The following PIAS4 variants were observed in gnomAD, a reference collection of about 807,000 sequenced individuals.
PIAS4 encodes protein inhibitor of activated STAT 4.
Under a neutral mutation model 58.0 loss-of-function variants are expected in PIAS4, and 7 were observed. The observed-to-expected ratio is 0.12, with a 90% confidence interval of 0.07 to 0.23. PIAS4 has a LOEUF of 0.23. Ranked by LOEUF, PIAS4 falls within the 10% of genes least tolerant of loss-of-function variation. The probability of loss-of-function intolerance (pLI) is 1.00; values close to 1 mark genes in which losing one functional copy is unlikely to be tolerated. For missense variants in PIAS4, 550 were observed against 709.5 expected, an observed-to-expected ratio of 0.78 and a Z score of 2.55; for synonymous variants, 364 against 312.4, an observed-to-expected ratio of 1.17 and a Z score of -1.74.
At chr19:4,036,109 C>T (rs2144944921) in intron 9 of PIAS4, among the ~76,000 whole-genome samples, 1 of 136,614 alleles carries the variant, frequency 7.3e-6, no homozygotes, top group African/African-American at 2.5e-5. Context: ...TACAAACACA[C>T]ACACATCTAT....
In PIAS4 at chr19:4,038,757, G is replaced by T. The variant is rs1016430355; in HGVS notation, c.*882G>T. The T allele has an allele frequency of 6.5e-6, 1 of 154,564 alleles. No homozygotes were observed. The highest frequency in any genetic ancestry group is 1.7e-4 in the South Asian group (1 of 5,728). The allele number at this position is 154,564 out of a possible 1,614,324, so 9.6% of individuals were successfully genotyped here. A position where few individuals can be genotyped will look rare whatever the true frequency, so the allele number is the denominator to read the frequency against. ...CCGCCACCATACCCCGGTCCTTGGG[G>T]CATGGGTTGCGGTCGCTTCCCAAGG... On this transcript the variant is annotated 3_prime_UTR_variant, in exon 11 of 11. Transcript: ENST00000262971. This position sits in a 1 kb window ranked among gnomAD's most constrained non-coding sequence, Gnocchi z 4.1.
rs2040324725 is a variant in PIAS4 at position 4,038,248 on chromosome 19, C to T, written c.*373C>T. On this transcript the variant is annotated 3_prime_UTR_variant, in exon 11 of 11. Transcript: ENST00000262971. This position sits in a 1 kb window ranked among gnomAD's most constrained non-coding sequence, Gnocchi z 4.1. ...CGGATGCCCCGCCGCCCGCCGCCCTCTGCCCACGACCATTCCAGCCAGTGC... is the reference window on the plus strand; with the variant it reads ...CGGATGCCCCGCCGCCCGCCGCCCTTTGCCCACGACCATTCCAGCCAGTGC... 7.4e-5 allele frequency: 16 copies of T among 216,980 alleles called. No homozygotes were observed. Among genetic ancestry groups the T allele is most frequent in the Non-Finnish European group, 1.4e-4 (15 of 110,816 alleles). The allele number at this position is 216,980 out of a possible 1,614,324, so 13.4% of individuals were successfully genotyped here.
At chr19:4,019,840 T>A (rs1472136597) in intron 2 of PIAS4, among the ~76,000 whole-genome samples, 2 of 151,550 alleles carry the variant, frequency 1.3e-5, no homozygotes, top group African/African-American at 4.9e-5. Flanking sequence ...AAGAAACAGG[T>A]CAACATGGGC....
In PIAS4 at chr19:4,038,439, G is replaced by C. The variant is rs1414609981; in HGVS notation, c.*564G>C. The C allele has an allele frequency of 6.6e-6, 1 of 152,026 alleles. No individual in the cohort carries two copies. The highest frequency in any genetic ancestry group is 1.5e-5 in the Non-Finnish European group (1 of 67,966). The allele number at this position is 152,026 out of a possible 1,614,324, so 9.4% of individuals were successfully genotyped here. On this transcript the variant is annotated 3_prime_UTR_variant, in exon 11 of 11. Transcript: ENST00000262971. This position sits in a 1 kb window ranked among gnomAD's most constrained non-coding sequence, Gnocchi z 4.1. ...AGAAGCCATGGAGTGGGTTGGGGCGGGGAGGGGCAGTAGGGTGGGGGGATG... is the reference window on the plus strand; with the variant it reads ...AGAAGCCATGGAGTGGGTTGGGGCGCGGAGGGGCAGTAGGGTGGGGGGATG...
intron 2 of PIAS4, among the ~76,000 whole-genome samples, chr19:4,022,752 A>T (rs2040122935): frequency 6.6e-6 from 1 of 151,210 alleles, no homozygotes. Flanking sequence ...CACTCACTGC[A>T]ACCTTTGCCT....
chr19:4,019,785 C>T (rs2040090459), intron 2 of PIAS4, among the ~76,000 whole-genome samples: 2 of 152,182 alleles, frequency 1.3e-5, no homozygotes, highest in Non-Finnish European at 2.9e-5. Context: ...GCTGTGGCAG[C>T]CCCCTCTTCC....
intron 1 of PIAS4, 33 bp from the exon 2 acceptor site, chr19:4,012,890 C>T: frequency 6.3e-7 from 1 of 1,581,778 alleles, no homozygotes; most frequent in Non-Finnish European, 8.6e-7. Flanking sequence ...GCAGCTGTGT[C>T]CTCTGAGTGT....
intron 3 of PIAS4, among the ~76,000 whole-genome samples, chr19:4,024,757 T>A (rs1248401503): frequency 8.8e-5 from 2 of 22,780 alleles, no homozygotes; most frequent in Admixed American, 6.8e-4. Flanking sequence ...GTCAGGTGTT[T>A]TTTTGTTTTT....
Position 4,037,947 on chromosome 19 carries a change from G to A in PIAS4, c.*72G>A. 2 of 1,443,630 alleles carry A rather than the reference G, an allele frequency of 1.4e-6. No individual in the cohort carries two copies. Among genetic ancestry groups the A allele is most frequent in the South Asian group, 1.3e-5 (1 of 77,160 alleles). 89.4% of individuals were successfully genotyped at this position (1,443,630 alleles called of 1,614,324 possible). A position where few individuals can be genotyped will look rare whatever the true frequency, so the allele number is the denominator to read the frequency against. On this transcript the variant is annotated 3_prime_UTR_variant, in exon 11 of 11. Coordinates refer to ENST00000262971, the MANE Select transcript of PIAS4 (RefSeq NM_015897.4). This position sits in a 1 kb window ranked among gnomAD's most constrained non-coding sequence, Gnocchi z 5.8. The stretch of plus-strand genomic sequence containing the variant: ...CACGGGCCAGCCTCGGGCGCAGAGG[G>A]AGGAGTGACCTTTCTTTTTCTTTTT...
chr19:4,025,539 C>T lies in PIAS4; in HGVS notation c.539+1419C>T, dbSNP rs10422261. ...TCGTGCCCAGCCGCTTCAGACCCAC[C>T]GCCCCCACCTGCTGTGGGGCCAGGT... On this transcript the variant is annotated intron_variant, in intron 3 of 10. Coordinates refer to ENST00000262971, the MANE Select transcript of PIAS4 (RefSeq NM_015897.4). Among the ~76,000 whole-genome samples the T allele has an allele frequency of 3.9e-3, 590 of 152,300 alleles. 4 individuals carry two copies. The highest frequency in any genetic ancestry group is 0.013 in the African/African-American group (557 of 41,584).
chr19:4,017,407 T>G (rs1464456893), intron 2 of PIAS4, among the ~76,000 whole-genome samples: 2 of 152,162 alleles, frequency 1.3e-5, no homozygotes, highest in Admixed American at 6.5e-5. Flanking sequence ...ATGTTTTCAC[T>G]GATGGGTAGA....
Position 4,033,487 on chromosome 19 carries a change from C to G in PIAS4, c.1049C>G (p.Ala350Gly), listed in dbSNP as rs905850256. The G allele has an allele frequency of 1.3e-6, 2 of 1,585,888 alleles. No homozygotes were observed. Residue 350 changes from alanine (A) to glycine (G), a missense_variant, in exon 9 of 11, where the codon GCC becomes GGC. By Grantham distance (60) the Ala-to-Gly change is moderately conservative. Coordinates refer to ENST00000262971, the MANE Select transcript of PIAS4 (RefSeq NM_015897.4). ...ETCAHLQCFD[A>G]VFYLQMNEKK... ...TGTGCCCACCTGCAGTGCTTCGACG[C>G]CGTCTTCTACCTGCAGATGAACGAG...
At chr19:4,034,806 C>T (rs1287789936) in intron 9 of PIAS4, among the ~76,000 whole-genome samples, 1 of 152,174 alleles carries the variant, frequency 6.6e-6, no homozygotes, top group African/African-American at 2.4e-5. Flanking sequence ...TCGGTGTAGC[C>T]AGGGAGGCTT....
At chr19:4,008,037 C>T (rs1056505508) in intron 1 of PIAS4, among the ~76,000 whole-genome samples, 3 of 151,666 alleles carry the variant, frequency 2.0e-5, no homozygotes, top group Non-Finnish European at 3.0e-5. Flanking sequence ...AGGCAGGGTC[C>T]CCCCACCCAG....
In PIAS4 at chr19:4,038,247, TC is replaced by T. The variant is rs1276161878; in HGVS notation, c.*373del. 8.0e-4 allele frequency: 183 copies of T among 228,234 alleles called. 1 individual carries two copies. The highest frequency in any genetic ancestry group is 1.3e-3 in the Non-Finnish European group (157 of 117,700). The allele number at this position is 228,234 out of a possible 1,614,324, so 14.1% of individuals were successfully genotyped here. On this transcript the variant is annotated 3_prime_UTR_variant, in exon 11 of 11. Coordinates refer to ENST00000262971, the MANE Select transcript of PIAS4 (RefSeq NM_015897.4). This position sits in a 1 kb window ranked among gnomAD's most constrained non-coding sequence, Gnocchi z 4.1. ...CCGGATGCCCCGCCGCCCGCCGCCC[TC>T]TGCCCACGACCATTCCAGCCAGTGC... is the stretch of plus-strand genomic sequence containing the variant.
intron 9 of PIAS4, 55 bp downstream of exon 9, chr19:4,033,635 G>A (rs1196095177): frequency 2.7e-6 from 4 of 1,460,328 alleles, no homozygotes; most frequent in Non-Finnish European, 3.7e-6. Context: ...TGGAGGTCTC[G>A]GTGGCACCCC....
chr19:4,008,053 G>A (rs2039960098), intron 1 of PIAS4, among the ~76,000 whole-genome samples: 1 of 151,804 alleles, frequency 6.6e-6, no homozygotes, highest in South Asian at 2.1e-4. Context: ...CCCAGCCCGA[G>A]CCCTTAGGGT....
rs559364885 is a variant in PIAS4 at position 4,037,530 on chromosome 19, G to A, written c.1273+26G>A. On this transcript the variant is annotated intron_variant, in intron 10 of 10. Coordinates refer to ENST00000262971, the MANE Select transcript of PIAS4 (RefSeq NM_015897.4). This position sits in a 1 kb window ranked among gnomAD's most constrained non-coding sequence, Gnocchi z 5.8. ...GTGAGTGCCTCACCCCACCAGCCGC[G>A]CAGTCCGCAGCCAGGGCCGCCTCAG... 23 of 1,607,788 alleles carry A rather than the reference G, an allele frequency of 1.4e-5. No homozygotes were observed. The highest frequency in any genetic ancestry group is 1.6e-4 in the Middle Eastern group (1 of 6,084).
chr19:4,017,702 G>GA (rs2040066435), intron 2 of PIAS4: 1 of 79,298 alleles, frequency 1.3e-5, no homozygotes, highest in Non-Finnish European at 2.7e-5. Flanking sequence ...TTTTTTTTGA[G>GA]ATGGAGTCTG....
Sources: allele counts gnomAD v4.1 joint callset (sites outside exome capture counted in the v4.1 genomes callset), GRCh38; gene constraint gnomAD v4.1.1; non-coding constraint Gnocchi (gnomAD v3.1); transcripts MANE v1.5; gene names NCBI Gene and HGNC (gene_info 2026-07-23, HGNC 2026-07-21).